GABRG2: variants seen among roughly 807,000 people sequenced by gnomAD.
The protein encoded by GABRG2 is gamma-aminobutyric acid type A receptor subunit gamma2, also known as gamma-aminobutyric acid receptor subunit gamma-2.
Under a neutral mutation model 56.4 loss-of-function variants are expected in GABRG2, and 16 were observed. The ratio of observed to expected loss-of-function variants is 0.28; its 90% confidence interval spans 0.19 to 0.43. GABRG2 has a LOEUF of 0.43. Ranked by LOEUF, GABRG2 falls within the 20% of genes least tolerant of loss-of-function variation. The pLI, the probability that GABRG2 is intolerant of heterozygous loss-of-function variation, is 1.00. For missense variants in GABRG2, 327 were observed against 582.7 expected, an observed-to-expected ratio of 0.56 and a Z score of 4.52; for synonymous variants, 208 against 205.5, an observed-to-expected ratio of 1.01 and a Z score of -0.10.
intron 1 of GABRG2, among the ~76,000 whole-genome samples, chr5:162,074,630 C>A (rs1262951340): frequency 6.6e-6 from 1 of 151,868 alleles, no homozygotes; most frequent in Non-Finnish European, 1.5e-5. Flanking sequence ...TTCACGTGTT[C>A]TTTTTTTGCT....
intron 2 of GABRG2, 88 bp from the exon 3 acceptor site, chr5:162,095,407 T>C: frequency 1.2e-6 from 1 of 808,090 alleles, no homozygotes; most frequent in Admixed American, 2.0e-5. Flanking sequence ...CTAATGTAGC[T>C]AAATAAATCT....
At chr5:162,113,980 A>T (rs2113439626) in intron 6 of GABRG2, among the ~76,000 whole-genome samples, 1 of 152,306 alleles carries the variant, frequency 6.6e-6, no homozygotes, top group East Asian at 1.9e-4. Context: ...CCAAAGAGGT[A>T]AAGTCAGAGC....
chr5:162,102,313 G>A (rs943607374), intron 5 of GABRG2: 6 of 324,614 alleles, frequency 1.8e-5, no homozygotes, highest in African/African-American at 1.3e-4. Flanking sequence ...GCTTTAGAGA[G>A]ATAAGCCTTC....
At chr5:162,145,776 T>C (rs1263291825) in intron 7 of GABRG2, among the ~76,000 whole-genome samples, 1 of 152,206 alleles carries the variant, frequency 6.6e-6, no homozygotes, top group Non-Finnish European at 1.5e-5. Flanking sequence ...TACTGACATT[T>C]TCACTTGTCG....
At chr5:162,069,955 A>G (rs988180061) in intron 1 of GABRG2, among the ~76,000 whole-genome samples, 1 of 152,048 alleles carries the variant, frequency 6.6e-6, no homozygotes, top group African/African-American at 2.4e-5. Context: ...TTTCTTTTTG[A>G]CTCATCTCCA....
At chr5:162,080,873 AT>A (rs1429895117) in intron 1 of GABRG2, among the ~76,000 whole-genome samples, 1 of 152,170 alleles carries the variant, frequency 6.6e-6, no homozygotes, top group African/African-American at 2.4e-5. Context: ...TACTTATTTT[AT>A]GGCATTGTAA....
chr5:162,084,590 A>G (rs1759914711), intron 1 of GABRG2, among the ~76,000 whole-genome samples: 1 of 151,840 alleles, frequency 6.6e-6, no homozygotes, highest in Admixed American at 6.6e-5. Flanking sequence ...GCATTTCTTT[A>G]AAGCCCTCCA....
intron 6 of GABRG2, among the ~76,000 whole-genome samples, chr5:162,130,462 C>T (rs1763659802): frequency 6.6e-6 from 1 of 151,818 alleles, no homozygotes; most frequent in Non-Finnish European, 1.5e-5. Context: ...TCTGTGGAGC[C>T]TTTTCTTTAA....
At chr5:162,129,288 T>C (rs958390331) in intron 6 of GABRG2, 5 of 152,030 alleles carry the variant, frequency 3.3e-5, no homozygotes, top group African/African-American at 1.2e-4. Flanking sequence ...TCCACAAAAG[T>C]TGATACATGG....
At chr5:162,130,986 G>C (rs375383695) in intron 6 of GABRG2, among the ~76,000 whole-genome samples, 17 of 151,946 alleles carry the variant, frequency 1.1e-4, no homozygotes, top group Non-Finnish European at 1.9e-4. Flanking sequence ...GGAATTATGA[G>C]ATCCATTCAA....
At chr5:162,101,953 T>C (rs1761452001) in intron 5 of GABRG2, 1 of 155,320 alleles carries the variant, frequency 6.4e-6, no homozygotes, top group African/African-American at 2.4e-5. Context: ...TTTTCCTTAC[T>C]ATTTGTTCAG....
chr5:162,105,886 G>A (rs537238641), intron 6 of GABRG2, among the ~76,000 whole-genome samples: 65 of 151,796 alleles, frequency 4.3e-4, no homozygotes, highest in African/African-American at 1.4e-3. Flanking sequence ...TCCAGAATGA[G>A]AAATTGGGCA....
chr5:162,129,099 C>T (rs1000738129), intron 6 of GABRG2: 3 of 151,870 alleles, frequency 2.0e-5, no homozygotes, highest in Admixed American at 6.6e-5. Flanking sequence ...GAAGCCTTTT[C>T]GAATTTTATT....
chr5:162,101,148 T>C, intron 4 of GABRG2, 87 bp from the exon 5 acceptor site: 1 of 909,244 alleles, frequency 1.1e-6, no homozygotes, highest in Non-Finnish European at 1.8e-6. Context: ...AGATATTCTC[T>C]AGAAAAACAA....
intron 6 of GABRG2, among the ~76,000 whole-genome samples, chr5:162,132,071 AG>A (rs1763793167): frequency 6.6e-6 from 1 of 151,740 alleles, no homozygotes; most frequent in South Asian, 2.1e-4. Flanking sequence ...TTATTGCAAC[AG>A]GTATTGCAAG....
intron 6 of GABRG2, among the ~76,000 whole-genome samples, chr5:162,109,807 G>T (rs968468218): frequency 2.0e-5 from 3 of 151,946 alleles, no homozygotes; most frequent in African/African-American, 7.2e-5. Flanking sequence ...CATAATTTTT[G>T]ACTCTTTTTT....
intron 6 of GABRG2, among the ~76,000 whole-genome samples, chr5:162,116,224 A>C (rs1762615483): frequency 6.8e-6 from 1 of 147,922 alleles, no homozygotes; most frequent in Admixed American, 6.8e-5. Flanking sequence ...TTTGGCATCT[A>C]TCCATCTACC....
intron 6 of GABRG2, among the ~76,000 whole-genome samples, chr5:162,125,720 A>G (rs947775122): frequency 1.3e-5 from 2 of 151,810 alleles, no homozygotes; most frequent in Non-Finnish European, 2.9e-5. Context: ...AAAAGACAGG[A>G]GAATTGAGGG....
chr5:162,089,704 A>AAT (rs1209510931), intron 1 of GABRG2, among the ~76,000 whole-genome samples: 1 of 152,098 alleles, frequency 6.6e-6, no homozygotes, highest in Non-Finnish European at 1.5e-5. Context: ...GAGAAGGATA[A>AAT]ATATATATTC....
Sources: gnomAD v4.1 joint callset for allele counts (sites outside exome capture counted in the v4.1 genomes callset) on GRCh38, gnomAD v4.1.1 for gene constraint, MANE v1.5 for transcripts, NCBI Gene and HGNC (gene_info 2026-07-23, HGNC 2026-07-21) for gene names.